SEL1L3: variants seen among roughly 807,000 people sequenced by gnomAD.
SEL1L3 encodes the protein protein sel-1 homolog 3.
SEL1L3 carries 76 observed loss-of-function variants against 142.8 expected under a neutral mutation model. The ratio of observed to expected loss-of-function variants is 0.53; its 90% CI spans 0.44 to 0.64. The LOEUF (loss-of-function observed/expected upper bound fraction) is 0.64. Ranked by LOEUF, SEL1L3 falls within the 30% of genes least tolerant of loss-of-function variation. SEL1L3 has a pLI of 0.00. For missense variants in SEL1L3, 1,262 were observed against 1,381.7 expected (o/e 0.91, Z 1.37); for synonymous variants, 504 against 519.6 (o/e 0.97, Z 0.41).
chr4:25,793,040 A>G (rs1021403601), intron 11 of SEL1L3, among the ~76,000 whole-genome samples: 1 of 152,208 alleles, frequency 6.6e-6, no homozygotes, highest in Non-Finnish European at 1.5e-5. Context: ...TTTTGCCCAG[A>G]TTGACTCATC....
chr4:25,808,952 A>G (rs1185949146), intron 9 of SEL1L3, among the ~76,000 whole-genome samples: 7 of 150,064 alleles, frequency 4.7e-5, no homozygotes, highest in Admixed American at 2.7e-4. Flanking sequence ...GAGTGCCTGT[A>G]GTCCCATCTA....
rs374126093 is a variant in SEL1L3 at position 25,767,654 on chromosome 4, C to G, written c.2761-45G>C. On this transcript the variant is annotated intron_variant, in intron 18 of 23. Coordinates refer to ENST00000399878, the MANE Select transcript of SEL1L3 (RefSeq NM_015187.5). ...AAAAGTTAATTCATTAATATTTCGG[C>G]CAAGTGACCAACGTTGCCTCCATAA... The G allele has an allele frequency of 2.0e-6, 3 of 1,492,300 alleles. No individual in the cohort carries two copies. In the African/African-American group the frequency reaches 4.2e-5, roughly 21 times the overall value. 92.4% of individuals were successfully genotyped at this position (1,492,300 alleles called of 1,614,324 possible).
At chr4:25,770,869 G>GAGCAGTGA (rs1443651359) in intron 17 of SEL1L3, among the ~76,000 whole-genome samples, 1 of 152,004 alleles carries the variant, frequency 6.6e-6, no homozygotes, top group African/African-American at 2.4e-5. Context: ...CACATCTACT[G>GAGCAGTGA]AGCAGTGAGC....
At chr4:25,790,422 C>A in intron 12 of SEL1L3, 33 bp downstream of exon 12, 1 of 1,609,932 alleles carries the variant, frequency 6.2e-7, no homozygotes, top group South Asian at 1.1e-5. Context: ...TCATGGCTGA[C>A]AGAATCCCCA....
chr4:25,748,256 G>A lies in SEL1L3; in HGVS notation c.*169C>T, dbSNP rs541917514. On this transcript the variant is annotated 3_prime_UTR_variant, in exon 24 of 24. Transcript: ENST00000399878. ...CTTTGGTATTACCACTGCCTGATCTGGGTACTTCCTTGTAATTTGACTTTA... is the reference window on the plus strand; with the variant it reads ...CTTTGGTATTACCACTGCCTGATCTAGGTACTTCCTTGTAATTTGACTTTA... 4 of 628,490 alleles carry A rather than the reference G, an allele frequency of 6.4e-6. No homozygotes were observed. The South Asian group carries it at 7.9e-5, about 12-fold the overall frequency. The allele number at this position is 628,490 out of a possible 1,614,324, so 38.9% of individuals were successfully genotyped here.
chr4:25,768,278 G>A (rs548671490), intron 17 of SEL1L3, among the ~76,000 whole-genome samples: 2 of 152,336 alleles, frequency 1.3e-5, no homozygotes, highest in African/African-American at 4.8e-5. Flanking sequence ...TGCATTAGAA[G>A]TTTGGCAAAG....
intron 11 of SEL1L3, among the ~76,000 whole-genome samples, chr4:25,792,037 G>T (rs1319200181): frequency 1.3e-5 from 2 of 152,034 alleles, no homozygotes; most frequent in Non-Finnish European, 2.9e-5. Flanking sequence ...GGGACTCGGG[G>T]GCTGAGATTT....
At chr4:25,722,605 C>T in the SEL1L3 span, among the ~76,000 whole-genome samples, 1 of 143,602 alleles carries the variant, frequency 7.0e-6, no homozygotes, top group South Asian at 2.1e-4. Flanking sequence ...CCACAAGATA[C>T]ATGCAGCTCC....
chr4:25,725,261 A>G, the SEL1L3 span, among the ~76,000 whole-genome samples: 1 of 152,156 alleles, frequency 6.6e-6, no homozygotes, highest in Non-Finnish European at 1.5e-5. Context: ...GTAAAGAAAT[A>G]AAAGAATGGC....
intron 6 of SEL1L3, among the ~76,000 whole-genome samples, chr4:25,828,254 G>C (rs1715215854): frequency 6.6e-6 from 1 of 152,078 alleles, no homozygotes; most frequent in Admixed American, 6.5e-5. Context: ...TATATGCCCA[G>C]AGCCTAAAAG....
intron 9 of SEL1L3, among the ~76,000 whole-genome samples, chr4:25,816,384 C>G (rs1714393811): frequency 6.6e-6 from 1 of 152,000 alleles, no homozygotes; most frequent in South Asian, 2.1e-4. Context: ...CCAGCTGGCT[C>G]CAGAGGCTAC....
chr4:25,788,230 T>G lies in SEL1L3; in HGVS notation c.2211A>C (p.Leu737=), dbSNP rs758271870. The G allele has an allele frequency of 1.2e-6, 2 of 1,613,684 alleles. No homozygotes were observed. The highest frequency in any genetic ancestry group is 1.7e-6 in the Non-Finnish European group (2 of 1,179,812). The change falls in exon 13 of 24, where the codon CTA becomes CTC. Residue 737 remains leucine, a synonymous_variant. Coordinates refer to ENST00000399878, the MANE Select transcript of SEL1L3 (RefSeq NM_015187.5). The surrounding 1 kb of genome is among the most constrained non-coding windows in gnomAD (Gnocchi z 5.3). ...CGAATTAAGTGATTCTTACCTTGAA[T>G]AGCACAATGGCATAGTCATAGATTA... ...PALIYDYAIV[L]FKGQGVKKNR...
chr4:25,748,357 G>A lies in SEL1L3; in HGVS notation c.*68C>T. 1 of 1,476,458 alleles carries A rather than the reference G, an allele frequency of 6.8e-7. No individual in the cohort carries two copies. Among genetic ancestry groups the A allele is most frequent in the Non-Finnish European group, 9.2e-7 (1 of 1,086,810 alleles). The allele number at this position is 1,476,458 out of a possible 1,614,324, so 91.5% of individuals were successfully genotyped here. On this transcript the variant is annotated 3_prime_UTR_variant, in exon 24 of 24. Coordinates refer to ENST00000399878, the MANE Select transcript of SEL1L3 (RefSeq NM_015187.5). The stretch of plus-strand genomic sequence containing the variant: ...AGGTGTTTATCAGGATCATGCCCTG[G>A]CCCCAGCTTCCCAATACCAGCTGTT...
At position 25,833,091 on chromosome 4, in the gene SEL1L3, C is replaced by G; in HGVS notation, c.1002G>C (p.Met334Ile). 6.2e-7 allele frequency: 1 copy of G among 1,603,206 alleles called. No individual in the cohort carries two copies. The highest frequency in any genetic ancestry group is 8.5e-7 in the Non-Finnish European group (1 of 1,170,290). ...LTEEGYLHIQ[M>I]HLVKGEDLAV... ...CAAGGTCTTCCCCTTTGACAAGATG[C>G]ATCTGAATATGCAAATAGCCTAAAA... Residue 334 changes from methionine to isoleucine, a missense_variant, in exon 5 of 24, where the codon ATG (methionine) becomes ATC (isoleucine). Met to Ile is a conservative substitution (Grantham distance 10, BLOSUM62 1). Transcript: ENST00000399878.
intron 5 of SEL1L3, among the ~76,000 whole-genome samples, chr4:25,831,263 G>T (rs1423120214): frequency 6.6e-6 from 1 of 151,758 alleles, no homozygotes; most frequent in Non-Finnish European, 1.5e-5. Context: ...TCCTAAATAC[G>T]TATTTTCCCT....
At chr4:25,792,549 T>C (rs1324610945) in intron 11 of SEL1L3, among the ~76,000 whole-genome samples, 4 of 152,242 alleles carry the variant, frequency 2.6e-5, no homozygotes, top group African/African-American at 9.6e-5. Context: ...AGCCTGGAAT[T>C]GTGCTGAAGC....
intron 16 of SEL1L3, chr4:25,777,849 A>G (rs1267139972): frequency 4.4e-6 from 2 of 456,240 alleles, no homozygotes; most frequent in Admixed American, 4.7e-5. Context: ...GAGCCAGGGT[A>G]TCAGTGTGAG....
At chr4:25,819,665 G>A (rs547880699) in intron 8 of SEL1L3, 143 bp downstream of exon 8, 6 of 661,942 alleles carry the variant, frequency 9.1e-6, no homozygotes, top group African/African-American at 3.8e-5. Flanking sequence ...TCCACCAGTG[G>A]AGGGCTCAAG....
chr4:25,779,339 CA>C (rs1242558802), intron 15 of SEL1L3, 136 bp from the exon 16 acceptor site: 2 of 939,828 alleles, frequency 2.1e-6, no homozygotes, highest in Non-Finnish European at 3.1e-6. Context: ...GGGCAAGCAA[CA>C]ATTCCAGGAA....
Sources: allele counts gnomAD v4.1 joint callset (sites outside exome capture counted in the v4.1 genomes callset), GRCh38; gene constraint gnomAD v4.1.1; non-coding constraint Gnocchi (gnomAD v3.1); transcripts MANE v1.5; gene names NCBI Gene and HGNC (gene_info 2026-07-23, HGNC 2026-07-21).